Variants in TPTE observed in about 807,000 individuals in gnomAD.
TPTE encodes transmembrane phosphatase with tensin homology, also known as putative tyrosine-protein phosphatase TPTE.
Under a neutral mutation model 84.1 loss-of-function variants are expected in TPTE, and 59 were observed. That is an observed-to-expected ratio of 0.70 (90% CI 0.57 to 0.87). TPTE has a LOEUF of 0.87. Among genes scored for constraint, TPTE ranks in the 40% least tolerant of loss-of-function variants. TPTE has a pLI of 0.00. For synonymous variants in TPTE, 130 were observed against 223.5 expected, an observed-to-expected ratio of 0.58 and a Z score of 3.73; for missense variants, 382 against 659.6, an observed-to-expected ratio of 0.58 and a Z score of 4.61.
At chr21:10,589,654 C>T (rs1192066367) in intron 17 of TPTE, among the ~76,000 whole-genome samples, 1 of 152,310 alleles carries the variant, frequency 6.6e-6, no homozygotes, top group Non-Finnish European at 1.5e-5. Flanking sequence ...GAAACAATCT[C>T]TTCCTCTGCC....
At chr21:10,537,229 TA>T (rs2074282154) in intron 3 of TPTE, among the ~76,000 whole-genome samples, 5 of 152,306 alleles carry the variant, frequency 3.3e-5, no homozygotes, top group Non-Finnish European at 7.3e-5. Flanking sequence ...TGTAAAGAAC[TA>T]AACATCGCTT....
intron 14 of TPTE, among the ~76,000 whole-genome samples, chr21:10,572,057 T>G (rs1211809630): frequency 1.3e-5 from 2 of 152,014 alleles, no homozygotes; most frequent in African/African-American, 2.4e-5. Context: ...ATGGGAGAGA[T>G]ATGGCCAAAA....
chr21:10,579,001 A>G (rs1420034336), intron 17 of TPTE, among the ~76,000 whole-genome samples: 2 of 152,310 alleles, frequency 1.3e-5, no homozygotes, highest in Admixed American at 6.5e-5. Context: ...AAAAACCAAT[A>G]TATTTATGGT....
chr21:10,565,749 C>G (rs1236134337), intron 10 of TPTE, among the ~76,000 whole-genome samples: 1 of 152,310 alleles, frequency 6.6e-6, no homozygotes, highest in African/African-American at 2.4e-5. Flanking sequence ...CAAGAACGTA[C>G]ATTGAACAAA....
At chr21:10,577,347 A>G in intron 14 of TPTE, 113 bp from the exon 15 acceptor site, 1 of 1,566,612 alleles carries the variant, frequency 6.4e-7, no homozygotes, top group South Asian at 1.1e-5. Context: ...CTCCACTAGA[A>G]GATGCTAGTG....
At chr21:10,563,776 G>T (rs746601879) in intron 10 of TPTE, among the ~76,000 whole-genome samples, 13,096 of 147,702 alleles carry the variant, frequency 0.089, 5 homozygotes, top group African/African-American at 0.21. Context: ...AAAATGGCAG[G>T]AGTAAGTCCT....
At chr21:10,546,363 C>T (rs2074467760) in intron 7 of TPTE, among the ~76,000 whole-genome samples, 1 of 152,306 alleles carries the variant, frequency 6.6e-6, no homozygotes, top group African/African-American at 2.4e-5. Flanking sequence ...CTCTCTCCTT[C>T]TCCTTGGGCC....
intron 7 of TPTE, among the ~76,000 whole-genome samples, chr21:10,546,591 C>G (rs1376404692): frequency 6.6e-6 from 1 of 152,306 alleles, no homozygotes; most frequent in South Asian, 2.1e-4. Flanking sequence ...AGTCAAAAAA[C>G]TTCTTGAAGA....
intron 10 of TPTE, among the ~76,000 whole-genome samples, chr21:10,567,325 A>C (rs867429108): frequency 6.6e-6 from 1 of 152,310 alleles, no homozygotes; most frequent in Non-Finnish European, 1.5e-5. Flanking sequence ...AAAGAGTGTA[A>C]TTGGATTGTT....
intron 8 of TPTE, among the ~76,000 whole-genome samples, chr21:10,557,332 CTTTTT>C (rs1051069178): frequency 2.6e-5 from 4 of 152,294 alleles, no homozygotes; most frequent in Non-Finnish European, 4.4e-5. Flanking sequence ...ACATAGTACT[CTTTTT>C]TTAAGCAAAA....
At chr21:10,539,048 T>C (rs2074319559) in intron 4 of TPTE, among the ~76,000 whole-genome samples, 1 of 152,310 alleles carries the variant, frequency 6.6e-6, no homozygotes, top group South Asian at 2.1e-4. Flanking sequence ...AACGGAGTGA[T>C]ATAAAAAGGA....
intron 19 of TPTE, among the ~76,000 whole-genome samples, chr21:10,593,789 C>T (rs112569693): frequency 1.4e-4 from 21 of 151,884 alleles, no homozygotes; most frequent in South Asian, 4.2e-4. Context: ...GAAGTGAGAG[C>T]GGGTTGGGAA....
chr21:10,592,456 C>G, intron 19 of TPTE, 83 bp downstream of exon 19: 1 of 1,547,118 alleles, frequency 6.5e-7, no homozygotes, highest in Non-Finnish European at 8.9e-7. Context: ...ATTTTAGACT[C>G]CTCTCCTTTG....
intron 23 of TPTE, among the ~76,000 whole-genome samples, chr21:10,604,781 A>G (rs550108215): frequency 5.5e-4 from 83 of 152,222 alleles, no homozygotes; most frequent in African/African-American, 1.9e-3. Context: ...ATTTTGGAGA[A>G]GTGATAAGCT....
chr21:10,581,314 A>G (rs1451268024), intron 17 of TPTE, among the ~76,000 whole-genome samples: 1 of 152,292 alleles, frequency 6.6e-6, no homozygotes, highest in Non-Finnish European at 1.5e-5. Flanking sequence ...CTAAAATGTT[A>G]TTATTAAAGA....
chr21:10,570,354 T>G, intron 13 of TPTE, 131 bp from the exon 14 acceptor site: 2 of 1,496,746 alleles, frequency 1.3e-6, no homozygotes, highest in Non-Finnish European at 1.8e-6. Context: ...TATTAGCTCT[T>G]TTCTGTCAAC....
chr21:10,536,978 A>G (rs1464652263), intron 3 of TPTE, among the ~76,000 whole-genome samples: 2 of 152,308 alleles, frequency 1.3e-5, no homozygotes, highest in East Asian at 1.9e-4. Context: ...CCTCACACCC[A>G]GAGCTCTACC....
At chr21:10,559,308 A>C (rs182467583) in intron 8 of TPTE, among the ~76,000 whole-genome samples, 186 bp from the exon 9 acceptor site, 550 of 152,108 alleles carry the variant, frequency 3.6e-3, no homozygotes, top group African/African-American at 0.012. Context: ...ATAGCATAGT[A>C]AACAAGTAAA....
intron 2 of TPTE, among the ~76,000 whole-genome samples, chr21:10,525,385 T>C (rs2074060201): frequency 6.6e-6 from 1 of 152,298 alleles, no homozygotes; most frequent in Non-Finnish European, 1.5e-5. Flanking sequence ...CCTCATATGG[T>C]CCTATCTCCA....
Sources: gnomAD v4.1 joint callset for allele counts (sites outside exome capture counted in the v4.1 genomes callset) on GRCh38, gnomAD v4.1.1 for gene constraint, MANE v1.5 for transcripts, NCBI Gene and HGNC (gene_info 2026-07-23, HGNC 2026-07-21) for gene names.